Variants in ADAM22 observed in about 807,000 individuals in gnomAD.
The protein encoded by ADAM22 is disintegrin and metalloproteinase domain-containing protein 22.
In ADAM22, 65 loss-of-function variants were observed where a neutral mutation model predicts 144.6. That is an observed-to-expected ratio of 0.45 (90% CI 0.37 to 0.55). The LOEUF (loss-of-function observed/expected upper bound fraction) is 0.55, where lower values mean the gene tolerates loss of function less well. Ranked by LOEUF, ADAM22 falls within the 20% of genes least tolerant of loss-of-function variation. ADAM22 has a pLI of 0.00. For missense variants in ADAM22, 974 were observed against 1,184.9 expected, an observed-to-expected ratio of 0.82 and a Z score of 2.61; for synonymous variants, 391 against 412.6, an observed-to-expected ratio of 0.95 and a Z score of 0.63.
In ADAM22 at chr7:88,200,243, A is replaced by G. The variant is rs1464508537; in HGVS notation, c.*3752A>G. The G allele has an allele frequency of 6.6e-6, 1 of 152,232 alleles. No homozygotes were observed. The highest frequency in any genetic ancestry group is 1.9e-4 in the East Asian group (1 of 5,204). The allele number at this position is 152,232 out of a possible 1,614,324, so 9.4% of individuals were successfully genotyped here. A position where few individuals can be genotyped will look rare whatever the true frequency, so the allele number is the denominator to read the frequency against. On this transcript the variant is annotated 3_prime_UTR_variant, in exon 32 of 32. Transcript: ENST00000413139. ...TTGTCGTATAGTTCTAACCATATAT[A>G]TAGTACTTTAAATATTTTCTTATGT...
chr7:88,111,222 CA>C (rs1232553959), intron 5 of ADAM22, among the ~76,000 whole-genome samples: 1 of 151,996 alleles, frequency 6.6e-6, no homozygotes, highest in Non-Finnish European at 1.5e-5. Flanking sequence ...TATTGCTTCT[CA>C]TCTTGACTTT....
Position 88,153,425 on chromosome 7 carries a change from T to C in ADAM22, c.1787+99T>C, listed in dbSNP as rs1174509060. On this transcript the variant is annotated intron_variant, in intron 21 of 31. Transcript: ENST00000413139. Reference sequence around the variant, plus strand: ...TTTCTGCTTTCTGCATCACACAAAGTGTGCTCTTGCCTCCTTAACCTCATC... The same window carrying C: ...TTTCTGCTTTCTGCATCACACAAAGCGTGCTCTTGCCTCCTTAACCTCATC... 12 of 946,582 alleles carry C rather than the reference T, an allele frequency of 1.3e-5. No individual in the cohort carries two copies. The East Asian group carries it at 3.2e-4, about 25-fold the overall frequency. The allele number at this position is 946,582 out of a possible 1,614,324, so 58.6% of individuals were successfully genotyped here.
At chr7:87,980,201 A>G (rs371839737) in intron 3 of ADAM22, among the ~76,000 whole-genome samples, 1 of 152,066 alleles carries the variant, frequency 6.6e-6, no homozygotes, top group Non-Finnish European at 1.5e-5. Flanking sequence ...TTCTATTTCA[A>G]TGCAAATTTG....
intron 3 of ADAM22, 60 bp from the exon 4 acceptor site, chr7:88,075,566 A>G: frequency 6.8e-7 from 1 of 1,463,434 alleles, no homozygotes; most frequent in Admixed American, 1.7e-5. Flanking sequence ...CTAGATCCTG[A>G]TTTTCGTGTT....
At chr7:88,074,044 G>A (rs1434219523) in intron 3 of ADAM22, among the ~76,000 whole-genome samples, 1 of 152,190 alleles carries the variant, frequency 6.6e-6, no homozygotes, top group Non-Finnish European at 1.5e-5. Context: ...CATGACTGGT[G>A]TATGTAAGAG....
chr7:88,120,024 C>G (rs947334270), intron 7 of ADAM22, among the ~76,000 whole-genome samples: 3 of 152,128 alleles, frequency 2.0e-5, no homozygotes, highest in Non-Finnish European at 2.9e-5. Context: ...ATCTGGAGGA[C>G]TGGTAACCAC....
chr7:88,048,587 A>C (rs1048992880), intron 3 of ADAM22, among the ~76,000 whole-genome samples: 6 of 152,116 alleles, frequency 3.9e-5, no homozygotes, highest in African/African-American at 1.4e-4. Flanking sequence ...TTTGAAATGT[A>C]TATTGGCCAT....
At chr7:88,061,839 CTTTTTTT>C (rs60313970) in intron 3 of ADAM22, among the ~76,000 whole-genome samples, 4 of 112,032 alleles carry the variant, frequency 3.6e-5, no homozygotes, top group African/African-American at 1.1e-4. Context: ...CTCTCTCTCT[CTTTTTTT>C]TTTTTTTTTT....
At chr7:88,042,612 CT>C (rs2129472192) in intron 3 of ADAM22, among the ~76,000 whole-genome samples, 1 of 151,938 alleles carries the variant, frequency 6.6e-6, no homozygotes, top group East Asian at 1.9e-4. Context: ...CACATTCAGT[CT>C]TCATTTCTCT....
At chr7:87,957,260 C>T (rs962111573) in intron 2 of ADAM22, among the ~76,000 whole-genome samples, 3 of 152,174 alleles carry the variant, frequency 2.0e-5, no homozygotes, top group Non-Finnish European at 2.9e-5. Context: ...GGTTGTGTTA[C>T]TTATCCCTTA....
At chr7:88,145,956 G>A (rs1836271315) in intron 17 of ADAM22, among the ~76,000 whole-genome samples, 1 of 152,108 alleles carries the variant, frequency 6.6e-6, no homozygotes. Flanking sequence ...AGCTGCTGAG[G>A]AAACAAGGGA....
chr7:88,025,481 T>G (rs1283952755), intron 3 of ADAM22, among the ~76,000 whole-genome samples: 1 of 152,132 alleles, frequency 6.6e-6, no homozygotes, highest in Non-Finnish European at 1.5e-5. Flanking sequence ...ATATTTTGTT[T>G]TAGTAGTTTC....
intron 24 of ADAM22, among the ~76,000 whole-genome samples, 177 bp downstream of exon 24, chr7:88,166,123 T>C (rs540528284): frequency 4.6e-5 from 7 of 152,304 alleles, no homozygotes; most frequent in African/African-American, 1.7e-4. Flanking sequence ...TGTAATGATA[T>C]GTAATATTAC....
intron 2 of ADAM22, among the ~76,000 whole-genome samples, chr7:87,937,459 G>C (rs1389696484): frequency 6.6e-6 from 1 of 152,208 alleles, no homozygotes; most frequent in East Asian, 1.9e-4. Flanking sequence ...ACTGAGGGAA[G>C]AAGAGATACA....
At chr7:87,940,026 T>C (rs1842151011) in intron 2 of ADAM22, among the ~76,000 whole-genome samples, 1 of 151,914 alleles carries the variant, frequency 6.6e-6, no homozygotes, top group African/African-American at 2.4e-5. Flanking sequence ...AACCCGCCTC[T>C]ATGAAGGGTA....
intron 2 of ADAM22, among the ~76,000 whole-genome samples, chr7:87,962,785 A>G (rs1848276776): frequency 6.6e-6 from 1 of 152,112 alleles, no homozygotes. Flanking sequence ...TCTTCACAGC[A>G]ATCCTCAGAG....
chr7:88,131,217 A>G (rs1831683421), intron 10 of ADAM22, 52 bp from the exon 11 acceptor site: 7 of 1,509,806 alleles, frequency 4.6e-6, no homozygotes, highest in Non-Finnish European at 5.5e-6. Flanking sequence ...TTCATAAACT[A>G]TTTGATTTTA....
intron 4 of ADAM22, among the ~76,000 whole-genome samples, chr7:88,107,415 G>A (rs989169455): frequency 6.6e-5 from 10 of 151,616 alleles, no homozygotes; most frequent in Non-Finnish European, 1.3e-4. Context: ...TGGCTGGGCT[G>A]GTTTGGAACT....
intron 4 of ADAM22, among the ~76,000 whole-genome samples, chr7:88,094,379 T>A (rs1348319325): frequency 6.6e-6 from 1 of 152,134 alleles, no homozygotes; most frequent in Non-Finnish European, 1.5e-5. Flanking sequence ...CAAATCAGCA[T>A]GTGCAAAGGC....
Sources: allele counts gnomAD v4.1 joint callset (sites outside exome capture counted in the v4.1 genomes callset), GRCh38; gene constraint gnomAD v4.1.1; transcripts MANE v1.5; gene names NCBI Gene and HGNC (gene_info 2026-07-23, HGNC 2026-07-21).